TCEA3: variants seen among roughly 807,000 people sequenced by gnomAD.
TCEA3 encodes transcription elongation factor A3.
TCEA3 carries 36 observed loss-of-function variants against 44.0 expected under a neutral mutation model. That is an observed-to-expected ratio of 0.82 (90% CI 0.63 to 1.08). The LOEUF (loss-of-function observed/expected upper bound fraction) is 1.08, where lower values mean the gene tolerates loss of function less well. Among genes scored for constraint, TCEA3 ranks in the 50% least tolerant of loss-of-function variants. TCEA3 has a pLI of 0.00. For synonymous variants in TCEA3, 162 were observed against 159.7 expected (o/e 1.01, Z -0.11); for missense variants, 392 against 441.2 (o/e 0.89, Z 1.00).
At chr1:23,407,489 A>G (rs1374029431) in intron 5 of TCEA3, among the ~76,000 whole-genome samples, 1 of 151,578 alleles carries the variant, frequency 6.6e-6, no homozygotes, top group East Asian at 1.9e-4. Context: ...CAGCCACTTC[A>G]CTGTTCCTTG....
intron 7 of TCEA3, among the ~76,000 whole-genome samples, chr1:23,394,418 T>C (rs142987850): frequency 5.6e-4 from 85 of 152,214 alleles, no homozygotes; most frequent in African/African-American, 2.0e-3. Context: ...ACTAGTGTGG[T>C]GTCTGGGATA....
At chr1:23,408,359 C>A (rs185704340) in intron 5 of TCEA3, among the ~76,000 whole-genome samples, 5 of 152,156 alleles carry the variant, frequency 3.3e-5, no homozygotes, top group Non-Finnish European at 5.9e-5. Flanking sequence ...CAGTCAGCCA[C>A]CCCAGGGAAG....
At chr1:23,409,837 CTG>C (rs1195729275) in intron 4 of TCEA3, among the ~76,000 whole-genome samples, 5 of 152,212 alleles carry the variant, frequency 3.3e-5, no homozygotes, top group Middle Eastern at 3.4e-3. Flanking sequence ...GTGTGAGCCA[CTG>C]TGTCTGGCCA....
At chr1:23,413,465 G>T (rs1196014089) in intron 4 of TCEA3, among the ~76,000 whole-genome samples, 1 of 145,468 alleles carries the variant, frequency 6.9e-6, no homozygotes, top group East Asian at 2.1e-4. Context: ...ACAGAATCTC[G>T]CTCTGTCATC....
rs12080328 is a variant in TCEA3 at position 23,397,735 on chromosome 1, G to A, written c.607+57C>T. The A allele has an allele frequency of 4.3e-5, 70 of 1,612,240 alleles. No homozygotes were observed. In the African/African-American group the frequency reaches 8.3e-4, roughly 19 times the overall value. ...AAAGACTGAATTTCATCTGCCCTCAGTGAGATTGGGAAAAGGGACTCCTTC... is the reference window on the plus strand; with the variant it reads ...AAAGACTGAATTTCATCTGCCCTCAATGAGATTGGGAAAAGGGACTCCTTC... On this transcript the variant is annotated intron_variant, in intron 6 of 10. Transcript: ENST00000450454.
intron 9 of TCEA3, among the ~76,000 whole-genome samples, chr1:23,387,016 G>T (rs76280734): frequency 7.9e-5 from 12 of 152,126 alleles, no homozygotes; most frequent in Admixed American, 2.0e-4. Context: ...CACCGCGCCC[G>T]GCATTTTTGT....
chr1:23,387,197 A>G, intron 9 of TCEA3, 76 bp downstream of exon 9: 1 of 1,554,164 alleles, frequency 6.4e-7, no homozygotes. Context: ...GCTCTTCCCT[A>G]AGCTTCTCTC....
chr1:23,387,721 G>A (rs572856693), intron 8 of TCEA3, among the ~76,000 whole-genome samples: 13 of 152,308 alleles, frequency 8.5e-5, no homozygotes, highest in Admixed American at 4.6e-4. Flanking sequence ...CATCCTGCCT[G>A]CCAGGACCTT....
chr1:23,393,127 G>A (rs924821230), intron 8 of TCEA3, among the ~76,000 whole-genome samples: 1 of 151,896 alleles, frequency 6.6e-6, no homozygotes. Context: ...TGGTTTCCTC[G>A]AATGCACAGT....
At chr1:23,384,308 G>T in intron 10 of TCEA3, 38 bp downstream of exon 10, 2 of 1,613,628 alleles carry the variant, frequency 1.2e-6, no homozygotes, top group Non-Finnish European at 1.7e-6. Context: ...CGAGGTATGT[G>T]GATAACAGGG....
At chr1:23,393,241 C>T (rs1184444444) in intron 8 of TCEA3, among the ~76,000 whole-genome samples, 2 of 152,184 alleles carry the variant, frequency 1.3e-5, no homozygotes, top group East Asian at 1.9e-4. Context: ...GCTGTAAATA[C>T]AGATGAAGCT....
intron 5 of TCEA3, among the ~76,000 whole-genome samples, chr1:23,400,372 G>C (rs1255939441): frequency 1.7e-5 from 1 of 58,268 alleles, no homozygotes; most frequent in African/African-American, 6.6e-5. Context: ...GCCACACCAG[G>C]CTTTTTTTTT....
chr1:23,393,908 C>A lies in TCEA3; in HGVS notation c.790G>T (p.Ala264Ser), dbSNP rs201544044. 20 of 1,613,650 alleles carry A rather than the reference C, an allele frequency of 1.2e-5. No individual in the cohort carries two copies. Among genetic ancestry groups the A allele is most frequent in the Admixed American group, 1.0e-4 (6 of 60,004 alleles). Reference sequence around the variant, plus strand: ...GCCGTCATCTTGGCTATAAGCCCTGCGGAGATGGCCCCACTGAGCACGTTC... The same window carrying A: ...GCCGTCATCTTGGCTATAAGCCCTGAGGAGATGGCCCCACTGAGCACGTTC... ...RRNVLSGAIS[A>S]GLIAKMTAEE... Residue 264 changes from alanine to serine, a missense_variant, in exon 8 of 11, where the codon GCA becomes TCA. By Grantham distance (99) the Ala-to-Ser change is moderately conservative. Transcript: ENST00000450454.
chr1:23,397,597 A>G lies in TCEA3; in HGVS notation c.612T>C (p.Asp204=). The G allele has an allele frequency of 1.2e-6, 2 of 1,613,842 alleles. No homozygotes were observed. Among genetic ancestry groups the G allele is most frequent in the Non-Finnish European group, 1.7e-6 (2 of 1,179,840 alleles). Residue 204 remains aspartate (D), a synonymous_variant, in exon 7 of 11, where the codon GAT becomes GAC. Transcript: ENST00000450454. ...CACAGTTGACTCCATAGTCCTTGTA[A>G]TCATCTAAAAGAGATTCGAGAAATA... ...MLSAALKADD[D]YKDYGVNCDK...
chr1:23,424,621 C>T lies in TCEA3; in HGVS notation c.13G>A (p.Glu5Lys). 1 of 1,607,650 alleles carries T rather than the reference C, an allele frequency of 6.2e-7. No individual in the cohort carries two copies. The highest frequency in any genetic ancestry group is 8.5e-7 in the Non-Finnish European group (1 of 1,178,980). ...TTTTTGGCGATCCTCAGCAGCTCCT[C>T]TTCCTGGCCCATGTTGGCCCGCGAC... MGQE[E>K]ELLRIAKKLE... Residue 5 changes from glutamate (E) to lysine (K), a missense_variant, in exon 1 of 11, where the codon GAG becomes AAG. Transcript: ENST00000450454.
At chr1:23,398,448 T>C (rs575933420) in intron 5 of TCEA3, among the ~76,000 whole-genome samples, 30 of 152,356 alleles carry the variant, frequency 2.0e-4, no homozygotes, top group African/African-American at 7.0e-4. Flanking sequence ...CAGGCGCTTG[T>C]CAAGAACAAA....
intron 8 of TCEA3, 127 bp downstream of exon 8, chr1:23,393,752 G>A: frequency 1.6e-6 from 2 of 1,265,954 alleles, no homozygotes; most frequent in South Asian, 1.5e-5. Context: ...GGGGGAGGCT[G>A]AGATGAGGCT....
At chr1:23,400,373 C>CTTTTTTTTTTTTTTTTTT (rs67325313) in intron 5 of TCEA3, among the ~76,000 whole-genome samples, 4 of 133,498 alleles carry the variant, frequency 3.0e-5, no homozygotes, top group African/African-American at 1.2e-4. Flanking sequence ...CCACACCAGG[C>CTTTTTTTTTTTTTTTTTT]TTTTTTTTTT....
chr1:23,386,648 C>T (rs1638847291), intron 9 of TCEA3, among the ~76,000 whole-genome samples: 1 of 152,182 alleles, frequency 6.6e-6, no homozygotes, highest in Admixed American at 6.5e-5. Context: ...GCCTCCACCT[C>T]CCAGGTTCCA....
Sources: gnomAD v4.1 joint callset for allele counts (sites outside exome capture counted in the v4.1 genomes callset) on GRCh38, gnomAD v4.1.1 for gene constraint, MANE v1.5 for transcripts, NCBI Gene and HGNC (gene_info 2026-07-23, HGNC 2026-07-21) for gene names.